Variants in SH3PXD2B observed in about 807,000 individuals in gnomAD.
The protein encoded by SH3PXD2B is SH3 and PX domain-containing protein 2B.
A neutral mutation model predicts 73.1 loss-of-function variants in SH3PXD2B; 37 were observed. That is an observed-to-expected ratio of 0.51 (90% CI 0.39 to 0.67). The LOEUF is 0.67. SH3PXD2B is among the 30% of genes least tolerant of loss of function. The pLI, the probability that SH3PXD2B is intolerant of heterozygous loss-of-function variation, is 0.00. For missense variants in SH3PXD2B, 1,053 were observed against 1,197.8 expected, an observed-to-expected ratio of 0.88 and a Z score of 1.78; for synonymous variants, 457 against 480.5, an observed-to-expected ratio of 0.95 and a Z score of 0.64.
rs148816682 is a variant in SH3PXD2B at position 172,339,117 on chromosome 5, A to G, written c.1988T>C (p.Ile663Thr). The change falls in exon 13 of 13, where the codon ATC becomes ACC. Residue 663 changes from isoleucine (I) to threonine (T), a missense_variant. Transcript: ENST00000311601. The surrounding 1 kb of genome is among the most constrained non-coding windows in gnomAD (Gnocchi z 6.1). ...CCTGAGCTTACTCCTGAGGTTGCAG[A>G]TGTCGACTTGGTCTTCGCCCTGAGG... is the stretch of plus-strand genomic sequence containing the variant. ...EPPQGEDQVD[I>T]CNLRSKLRPA... 118 of 1,614,206 alleles carry G rather than the reference A, an allele frequency of 7.3e-5. No homozygotes were observed. Among genetic ancestry groups the G allele is most frequent in the Non-Finnish European group, 8.4e-5 (99 of 1,180,040 alleles).
chr5:172,426,654 A>C (rs1759102384), intron 1 of SH3PXD2B, among the ~76,000 whole-genome samples: 1 of 152,224 alleles, frequency 6.6e-6, no homozygotes, highest in African/African-American at 2.4e-5. Flanking sequence ...CTGCTGATGA[A>C]TGATGGCTCA....
chr5:172,364,670 C>T (rs964226366), intron 6 of SH3PXD2B, among the ~76,000 whole-genome samples: 7 of 151,442 alleles, frequency 4.6e-5, no homozygotes, highest in African/African-American at 1.5e-4. Flanking sequence ...GTCCTCCGCT[C>T]CCCGCCCAAA....
At chr5:172,341,584 T>C (rs954251377) in intron 12 of SH3PXD2B, among the ~76,000 whole-genome samples, 1 of 152,230 alleles carries the variant, frequency 6.6e-6, no homozygotes, top group Non-Finnish European at 1.5e-5. Context: ...CCATGCTTTC[T>C]GTACAGCATG....
rs1168141898 is a variant in SH3PXD2B at position 172,433,162 on chromosome 5, C to T, written c.76-10666G>A. On this transcript the variant is annotated intron_variant, in intron 1 of 12. Transcript: ENST00000311601. The stretch of plus-strand genomic sequence containing the variant: ...CTCACCATTGTGTTACAATTGCCTA[C>T]AGTATTCAGTACAGTAACACAGTGT... Among the ~76,000 whole-genome samples, 3 of 152,092 alleles carry T rather than the reference C, an allele frequency of 2.0e-5. No homozygotes were observed. The South Asian group carries it at 6.2e-4, about 31-fold the overall frequency.
At chr5:172,451,880 G>C (rs978702751) in intron 1 of SH3PXD2B, among the ~76,000 whole-genome samples, 5 of 152,226 alleles carry the variant, frequency 3.3e-5, no homozygotes, top group African/African-American at 1.2e-4. Flanking sequence ...TGTTCCTGTG[G>C]ATGACTCAGG....
At chr5:172,350,979 C>T (rs1757149228) in intron 9 of SH3PXD2B, among the ~76,000 whole-genome samples, 1 of 152,200 alleles carries the variant, frequency 6.6e-6, no homozygotes, top group South Asian at 2.1e-4. Flanking sequence ...AACATGCTTT[C>T]ATATGGGATT....
chr5:172,395,385 G>T (rs558299855), intron 3 of SH3PXD2B, among the ~76,000 whole-genome samples: 1 of 152,222 alleles, frequency 6.6e-6, no homozygotes, highest in African/African-American at 2.4e-5. Flanking sequence ...GTTCGTAAGA[G>T]AAGGGTTTTG....
intron 7 of SH3PXD2B, among the ~76,000 whole-genome samples, chr5:172,361,123 ATG>A (rs1757394560): frequency 1.3e-5 from 2 of 152,046 alleles, no homozygotes; most frequent in African/African-American, 4.8e-5. Context: ...ACAAAATATG[ATG>A]TGTTTGTATA....
chr5:172,386,208 C>T (rs1758056670), intron 4 of SH3PXD2B, among the ~76,000 whole-genome samples: 4 of 152,170 alleles, frequency 2.6e-5, no homozygotes, highest in Admixed American at 1.3e-4. Flanking sequence ...AAAGAACACC[C>T]ATCTTGGAGG....
intron 3 of SH3PXD2B, among the ~76,000 whole-genome samples, chr5:172,395,112 T>C (rs1247964897): frequency 6.6e-6 from 1 of 152,132 alleles, no homozygotes; most frequent in Non-Finnish European, 1.5e-5. Context: ...TGCTCTACCA[T>C]TCTGAGCCCT....
chr5:172,420,631 T>C (rs771196309), intron 2 of SH3PXD2B, among the ~76,000 whole-genome samples: 15 of 152,344 alleles, frequency 9.8e-5, no homozygotes, highest in South Asian at 6.2e-4. Flanking sequence ...TTTGTGAAAC[T>C]ACCTCCTTCA....
Position 172,354,124 on chromosome 5 carries a change from C to A in SH3PXD2B, c.668-119G>T, listed in dbSNP as rs377090064. On this transcript the variant is annotated intron_variant, in intron 8 of 12. Coordinates refer to ENST00000311601, the MANE Select transcript of SH3PXD2B (RefSeq NM_001017995.3). ...ATTTCCTTCAGAGATTTCTGGGCAC[C>A]CCCCCTGGCCCTGACCTAGCCCTGG... 2.0e-4 allele frequency: 192 copies of A among 943,264 alleles called. 1 individual carries two copies. The East Asian group carries it at 3.7e-3, about 18-fold the overall frequency. The allele number at this position is 943,264 out of a possible 1,614,324, so 58.4% of individuals were successfully genotyped here.
intron 5 of SH3PXD2B, 46 bp from the exon 6 acceptor site, chr5:172,373,861 T>G: frequency 6.2e-7 from 1 of 1,604,076 alleles, no homozygotes; most frequent in Non-Finnish European, 8.5e-7. Context: ...AGTCAGTACT[T>G]GCCATGTATT....
intron 1 of SH3PXD2B, among the ~76,000 whole-genome samples, chr5:172,443,608 C>T (rs930548778): frequency 6.6e-5 from 10 of 152,326 alleles, no homozygotes; most frequent in Admixed American, 4.6e-4. Flanking sequence ...CTTAGCCTCT[C>T]TCTGGCTCTG....
Position 172,353,862 on chromosome 5 carries a change from C to A in SH3PXD2B, c.785+26G>T. On this transcript the variant is annotated intron_variant, in intron 9 of 12. Transcript: ENST00000311601. The surrounding 1 kb of genome is among the most constrained non-coding windows in gnomAD (Gnocchi z 4.3). ...CCAGCGTGACCCCAAACCCACCCAG[C>A]AACCGTGGGGGGCAGCGGCTGGTAC... The A allele has an allele frequency of 6.3e-7, 1 of 1,599,162 alleles. No homozygotes were observed. The highest frequency in any genetic ancestry group is 8.6e-7 in the Non-Finnish European group (1 of 1,167,336).
intron 5 of SH3PXD2B, among the ~76,000 whole-genome samples, chr5:172,379,041 A>G (rs1581290530): frequency 6.9e-6 from 1 of 145,258 alleles, no homozygotes; most frequent in Non-Finnish European, 1.5e-5. Flanking sequence ...CTGCACTCCA[A>G]CCTGGGTGAT....
intron 4 of SH3PXD2B, 132 bp downstream of exon 4, chr5:172,394,430 GA>G: frequency 1.1e-6 from 1 of 874,070 alleles, no homozygotes; most frequent in Non-Finnish European, 1.8e-6. Context: ...GATAATGAAT[GA>G]TTTTCCCCCT....
At chr5:172,330,316 G>T (rs1242889760), downstream of SH3PXD2B, among the ~76,000 whole-genome samples, 1 of 152,158 alleles carries the variant, frequency 6.6e-6, no homozygotes, top group East Asian at 1.9e-4. Context: ...GCTCTCTGTT[G>T]CAGTGAGTTA....
Position 172,334,445 on chromosome 5 carries a change from T to C in SH3PXD2B, c.*3924A>G. On this transcript the variant is annotated 3_prime_UTR_variant, in exon 13 of 13. Transcript: ENST00000311601. ...CCACAGTCTGACACGAGGTCATCTT[T>C]GGTCTGTGGTGAGGTATGGATGTCT... The C allele has an allele frequency of 1.0e-6, 1 of 988,114 alleles. No individual in the cohort carries two copies. The highest frequency in any genetic ancestry group is 1.2e-6 in the Non-Finnish European group (1 of 832,050). 61.2% of individuals were successfully genotyped at this position (988,114 alleles called of 1,614,324 possible). A position where few individuals can be genotyped will look rare whatever the true frequency, so the allele number is the denominator to read the frequency against.
Sources: allele counts gnomAD v4.1 joint callset (sites outside exome capture counted in the v4.1 genomes callset), GRCh38; gene constraint gnomAD v4.1.1; non-coding constraint Gnocchi (gnomAD v3.1); transcripts MANE v1.5; gene names NCBI Gene and HGNC (gene_info 2026-07-23, HGNC 2026-07-21).